The following SPAG16 variants were observed in gnomAD, a reference collection of about 807,000 sequenced individuals.
SPAG16 encodes the protein sperm-associated antigen 16 protein.
SPAG16 carries 86 observed loss-of-function variants against 80.4 expected under a neutral mutation model. That is an observed-to-expected ratio of 1.07 (90% CI 0.90 to 1.28). The LOEUF (loss-of-function observed/expected upper bound fraction) is 1.28, where lower values mean the gene tolerates loss of function less well. SPAG16 is among the 50% of genes most tolerant of loss of function. The pLI is 0.00. For missense variants in SPAG16, 870 were observed against 765.3 expected (o/e 1.14, Z -1.61); for synonymous variants, 294 against 265.9 (o/e 1.11, Z -1.03).
intron 15 of SPAG16, chr2:214,281,154 C>T: frequency 5.5e-6 from 2 of 366,202 alleles, no homozygotes; most frequent in Non-Finnish European, 1.1e-5. Flanking sequence ...GGTCCAGCAG[C>T]AGGCCAGTAC....
intron 9 of SPAG16, among the ~76,000 whole-genome samples, chr2:213,445,840 C>T (rs968929936): frequency 4.6e-5 from 7 of 152,144 alleles, no homozygotes; most frequent in African/African-American, 1.2e-4. Flanking sequence ...AATGCTTGTA[C>T]ACTGTTGGTG....
intron 10 of SPAG16, among the ~76,000 whole-genome samples, chr2:213,647,246 C>G (rs1231355245): frequency 6.6e-6 from 1 of 152,108 alleles, no homozygotes; most frequent in Non-Finnish European, 1.5e-5. Context: ...TAAAAACAGA[C>G]AGCCATGCAT....
In SPAG16 at chr2:213,404,506, T is replaced by G. The variant is rs377300830; in HGVS notation, c.942+29387T>G. 1.1e-4 allele frequency among the ~76,000 whole-genome samples: 16 copies of G among 152,292 alleles called. No individual in the cohort carries two copies. The East Asian group carries it at 2.9e-3, about 28-fold the overall frequency. ...GTGCTGGGAAAACTGGCTAGCCATA[T>G]GTAGAAAGCTGAAACTGGATCCCTT... On this transcript the variant is annotated intron_variant, in intron 9 of 15. Transcript: ENST00000331683.
intron 9 of SPAG16, among the ~76,000 whole-genome samples, chr2:213,487,160 C>T (rs1375051693): frequency 6.6e-6 from 1 of 152,022 alleles, no homozygotes; most frequent in Non-Finnish European, 1.5e-5. Context: ...TTAAAATAAA[C>T]ATGAGTGCCA....
intron 12 of SPAG16, among the ~76,000 whole-genome samples, chr2:213,978,631 T>C (rs2045540829): frequency 6.6e-6 from 1 of 152,178 alleles, no homozygotes; most frequent in African/African-American, 2.4e-5. Context: ...ACAGCAAACA[T>C]TTACTGTCTC....
At chr2:214,208,115 A>G (rs1038427519) in intron 15 of SPAG16, among the ~76,000 whole-genome samples, 1 of 152,158 alleles carries the variant, frequency 6.6e-6, no homozygotes, top group African/African-American at 2.4e-5. Flanking sequence ...TCTCTTTCAT[A>G]TATACATATA....
intron 10 of SPAG16, among the ~76,000 whole-genome samples, chr2:213,744,011 T>A (rs1415110285): frequency 6.6e-6 from 1 of 152,236 alleles, no homozygotes; most frequent in African/African-American, 2.4e-5. Flanking sequence ...AGTGTGAGCA[T>A]CTCTTTTTCC....
At chr2:214,044,204 A>C (rs1325411808) in intron 13 of SPAG16, among the ~76,000 whole-genome samples, 1 of 152,196 alleles carries the variant, frequency 6.6e-6, no homozygotes, top group South Asian at 2.1e-4. Flanking sequence ...TTACATATGC[A>C]TTATTTTTAA....
At chr2:213,671,895 G>T (rs1466645970) in intron 10 of SPAG16, among the ~76,000 whole-genome samples, 1 of 152,140 alleles carries the variant, frequency 6.6e-6, no homozygotes, top group Non-Finnish European at 1.5e-5. Flanking sequence ...TACAGCAAAT[G>T]AATACACATT....
At chr2:214,274,588 A>ATGGAG (rs1692303324) in intron 15 of SPAG16, among the ~76,000 whole-genome samples, 1 of 152,044 alleles carries the variant, frequency 6.6e-6, no homozygotes, top group Non-Finnish European at 1.5e-5. Flanking sequence ...TGTTTATGTG[A>ATGGAG]TGGAGTATGT....
intron 9 of SPAG16, among the ~76,000 whole-genome samples, chr2:213,462,856 A>G (rs186570899): frequency 5.6e-4 from 86 of 152,276 alleles, no homozygotes; most frequent in African/African-American, 2.0e-3. Flanking sequence ...GTAAATCGGT[A>G]CCACAGAGAG....
intron 14 of SPAG16, among the ~76,000 whole-genome samples, chr2:214,139,167 T>G (rs1226124357): frequency 6.6e-6 from 1 of 152,194 alleles, no homozygotes; most frequent in Non-Finnish European, 1.5e-5. Context: ...CTTTTTGTTA[T>G]ATTTAAGACA....
At chr2:213,745,928 G>T (rs1418150262) in intron 10 of SPAG16, among the ~76,000 whole-genome samples, 2 of 152,152 alleles carry the variant, frequency 1.3e-5, no homozygotes, top group Non-Finnish European at 2.9e-5. Flanking sequence ...AAGAAAGGTG[G>T]TAGGTTTCAT....
chr2:214,290,147 G>C (rs1236648084), intron 15 of SPAG16, among the ~76,000 whole-genome samples: 1 of 152,032 alleles, frequency 6.6e-6, no homozygotes, highest in Non-Finnish European at 1.5e-5. Context: ...TTCAGTCTTG[G>C]TAGGTGTATG....
At chr2:213,460,090 C>A (rs144453020) in intron 9 of SPAG16, among the ~76,000 whole-genome samples, 2 of 152,318 alleles carry the variant, frequency 1.3e-5, no homozygotes, top group East Asian at 3.9e-4. Flanking sequence ...CCTGTTTCTT[C>A]ATGGTCTTCT....
At chr2:213,459,244 T>G (rs1358169925) in intron 9 of SPAG16, among the ~76,000 whole-genome samples, 2 of 152,228 alleles carry the variant, frequency 1.3e-5, no homozygotes, top group Non-Finnish European at 2.9e-5. Flanking sequence ...CTCCTGGGTT[T>G]GGTCATACAG....
At chr2:214,348,898 T>C (rs1698227003) in intron 15 of SPAG16, among the ~76,000 whole-genome samples, 1 of 152,242 alleles carries the variant, frequency 6.6e-6, no homozygotes, top group East Asian at 1.9e-4. Context: ...AGAATAGCTG[T>C]CTTTTCCAAA....
chr2:213,684,361 T>TA (rs746498750), intron 10 of SPAG16, among the ~76,000 whole-genome samples: 3 of 152,184 alleles, frequency 2.0e-5, no homozygotes, highest in Non-Finnish European at 4.4e-5. Context: ...AGGTTTTAGT[T>TA]AAAATTAGAT....
chr2:213,491,734 G>A lies in SPAG16; in HGVS notation c.1070+1644G>A, dbSNP rs144949523. 4.2e-3 allele frequency among the ~76,000 whole-genome samples: 642 copies of A among 152,220 alleles called. 6 individuals are homozygous for A. The highest frequency in any genetic ancestry group is 0.015 in the African/African-American group (609 of 41,514). On this transcript the variant is annotated intron_variant, in intron 10 of 15. Coordinates refer to ENST00000331683, the MANE Select transcript of SPAG16 (RefSeq NM_024532.5). The stretch of plus-strand genomic sequence containing the variant: ...AATGAAAATGTGGAGAAGAAACAGA[G>A]GGAAACATTTAGCTCTCAGTCAAAG...
Sources: gnomAD v4.1 joint callset for allele counts (sites outside exome capture counted in the v4.1 genomes callset) on GRCh38, gnomAD v4.1.1 for gene constraint, MANE v1.5 for transcripts, NCBI Gene and HGNC (gene_info 2026-07-23, HGNC 2026-07-21) for gene names.